The following FER variants were observed in gnomAD, a reference collection of about 807,000 sequenced individuals.
FER encodes FER tyrosine kinase, also known as tyrosine-protein kinase Fer.
Under a neutral mutation model 111.0 loss-of-function variants are expected in FER, and 63 were observed. The ratio of observed to expected loss-of-function variants is 0.57; its 90% CI spans 0.46 to 0.70. FER has a LOEUF of 0.70. Ranked by LOEUF, FER falls within the 30% of genes least tolerant of loss-of-function variation. The probability of loss-of-function intolerance (pLI) is 0.00; values close to 1 mark genes in which losing one functional copy is unlikely to be tolerated. For synonymous variants in FER, 327 were observed against 313.9 expected (o/e 1.04, Z -0.44); for missense variants, 914 against 954.0 (o/e 0.96, Z 0.55).
Position 109,051,599 on chromosome 5 carries a change from G to T in FER, c.1924+4401G>T, listed in dbSNP as rs906652119. On this transcript the variant is annotated intron_variant, in intron 16 of 19. Transcript: ENST00000281092. ...GAATTGTTTCTGTCGCCATTAACCAGCTTGTACCCAGGAAGAGACATAGGC... is the reference window on the plus strand; with the variant it reads ...GAATTGTTTCTGTCGCCATTAACCATCTTGTACCCAGGAAGAGACATAGGC... 5.0e-6 allele frequency: 8 copies of T among 1,604,872 alleles called. No individual in the cohort carries two copies. The African/African-American group carries it at 1.1e-4, about 21-fold the overall frequency.
At chr5:108,940,589 A>G (rs144108996) in intron 10 of FER, among the ~76,000 whole-genome samples, 1 of 152,168 alleles carries the variant, frequency 6.6e-6, no homozygotes, top group Non-Finnish European at 1.5e-5. Flanking sequence ...GTATGAGCAG[A>G]TCAATCCTCA....
At chr5:109,106,931 G>T (rs1006730233) in intron 17 of FER, among the ~76,000 whole-genome samples, 5 of 152,180 alleles carry the variant, frequency 3.3e-5, no homozygotes, top group African/African-American at 1.2e-4. Context: ...AAGGGTCAGA[G>T]GACAGTAGTT....
Position 108,772,466 on chromosome 5 carries a change from A to G in FER, c.-60+4228A>G, listed in dbSNP as rs867478383. Among the ~76,000 whole-genome samples, 201 of 146,108 alleles carry G rather than the reference A, an allele frequency of 1.4e-3. 1 individual carries two copies. The highest frequency in any genetic ancestry group is 4.6e-3 in the African/African-American group (180 of 39,402). The stretch of plus-strand genomic sequence containing the variant: ...GCTTGCTTTTTTTTTCATGATCTGT[A>G]TTTTCTTTTAAGAGATAAGATTTGT... On this transcript the variant is annotated intron_variant, in intron 2 of 19. Transcript: ENST00000281092.
At chr5:108,993,573 G>GAGAGGA (rs1236860122) in intron 13 of FER, among the ~76,000 whole-genome samples, 2 of 140,210 alleles carry the variant, frequency 1.4e-5, no homozygotes, top group African/African-American at 5.5e-5. Flanking sequence ...AGACCGTGGG[G>GAGAGGA]AGAGGGAGAG....
At chr5:108,999,277 T>G (rs1228808784) in intron 13 of FER, among the ~76,000 whole-genome samples, 1 of 152,210 alleles carries the variant, frequency 6.6e-6, no homozygotes, top group East Asian at 1.9e-4. Flanking sequence ...TTTAAATTTT[T>G]TATACAATTT....
intron 16 of FER, among the ~76,000 whole-genome samples, chr5:109,088,014 T>C (rs1055309302): frequency 3.3e-5 from 5 of 152,010 alleles, no homozygotes; most frequent in Non-Finnish European, 7.4e-5. Flanking sequence ...TTCATATGCA[T>C]TTACAAATCA....
At chr5:108,980,380 T>C (rs1200237854) in intron 13 of FER, among the ~76,000 whole-genome samples, 6 of 152,028 alleles carry the variant, frequency 3.9e-5, no homozygotes, top group Non-Finnish European at 7.4e-5. Flanking sequence ...ACCAAGAAAA[T>C]TTACAAAGGT....
At chr5:108,878,328 T>G (rs553862045) in intron 8 of FER, among the ~76,000 whole-genome samples, 1 of 152,266 alleles carries the variant, frequency 6.6e-6, no homozygotes, top group African/African-American at 2.4e-5. Context: ...TCCTTTCTTC[T>G]TTTCGTCGAC....
At chr5:109,041,456 T>TA (rs1771167727) in intron 14 of FER, among the ~76,000 whole-genome samples, 1 of 141,574 alleles carries the variant, frequency 7.1e-6, no homozygotes. Context: ...GGATAAGTAT[T>TA]CAAAAAAAAA....
intron 13 of FER, among the ~76,000 whole-genome samples, chr5:109,000,115 A>G (rs1453753153): frequency 1.3e-5 from 2 of 151,770 alleles, no homozygotes; most frequent in South Asian, 2.1e-4. Context: ...TTACTGGTTA[A>G]TGTTGACCTT....
At chr5:108,751,970 C>T (rs971507958) in intron 1 of FER, among the ~76,000 whole-genome samples, 4 of 151,976 alleles carry the variant, frequency 2.6e-5, no homozygotes, top group South Asian at 2.1e-4. Flanking sequence ...ATACTTACCT[C>T]GTTCATATAG....
chr5:109,178,456 C>T lies in FER; in HGVS notation c.2049-2291C>T, dbSNP rs187128602. Among the ~76,000 whole-genome samples the T allele has an allele frequency of 4.4e-3, 673 of 152,280 alleles. 4 individuals are homozygous for T. Among genetic ancestry groups the T allele is most frequent in the African/African-American group, 0.016 (650 of 41,552 alleles). On this transcript the variant is annotated intron_variant, in intron 17 of 19. Coordinates refer to ENST00000281092, the MANE Select transcript of FER (RefSeq NM_005246.4). ...ATGTAGCTATAAAACATAGATATTA[C>T]TCTGAAGAAAGTACTAACAGTGAAA...
chr5:108,866,485 A>G (rs1398396949), intron 5 of FER, among the ~76,000 whole-genome samples: 1 of 152,174 alleles, frequency 6.6e-6, no homozygotes, highest in East Asian at 1.9e-4. Context: ...ACCTAATGTT[A>G]AATGACAAGT....
intron 17 of FER, among the ~76,000 whole-genome samples, chr5:109,129,937 T>A (rs1411717679): frequency 6.6e-6 from 1 of 152,078 alleles, no homozygotes; most frequent in Non-Finnish European, 1.5e-5. Flanking sequence ...CTTTTACTAT[T>A]GAGAAATAAT....
At chr5:108,866,748 A>G (rs138311986) in intron 5 of FER, among the ~76,000 whole-genome samples, 4 of 152,286 alleles carry the variant, frequency 2.6e-5, no homozygotes, top group Non-Finnish European at 5.9e-5. Context: ...GAAAGGGCAG[A>G]AAGTAGTAAA....
chr5:109,056,538 T>C (rs531322641), intron 16 of FER, among the ~76,000 whole-genome samples: 1 of 151,988 alleles, frequency 6.6e-6, no homozygotes, highest in East Asian at 1.9e-4. Flanking sequence ...AGATAGAGAA[T>C]GAAACGGGTC....
At chr5:108,927,376 TCAGCCTCCCGAGTAGCTGGGACTA>T (rs1753923422) in intron 10 of FER, among the ~76,000 whole-genome samples, 1 of 151,160 alleles carries the variant, frequency 6.6e-6, no homozygotes, top group African/African-American at 2.4e-5. Context: ...TTGTTCTGCC[TCAGCCTCCCGAGTAGCTGGGACTA>T]CAGGCGCCCG....
chr5:108,984,656 T>G (rs1214910171), intron 13 of FER, among the ~76,000 whole-genome samples: 1 of 152,068 alleles, frequency 6.6e-6, no homozygotes, highest in Non-Finnish European at 1.5e-5. Context: ...TGCTCATGTC[T>G]TTTTATTACA....
chr5:109,096,461 C>T (rs910776002), intron 16 of FER, among the ~76,000 whole-genome samples: 2 of 151,842 alleles, frequency 1.3e-5, no homozygotes, highest in African/African-American at 4.8e-5. Flanking sequence ...GTGGCTCAGG[C>T]GTGTCACCAA....
Sources: gnomAD v4.1 joint callset for allele counts (sites outside exome capture counted in the v4.1 genomes callset) on GRCh38, gnomAD v4.1.1 for gene constraint, MANE v1.5 for transcripts, NCBI Gene and HGNC (gene_info 2026-07-23, HGNC 2026-07-21) for gene names.